Variants in RGS18 observed in about 807,000 individuals in gnomAD.
The protein encoded by RGS18 is regulator of G protein signaling 18.
A neutral mutation model predicts 27.6 loss-of-function variants in RGS18; 22 were observed. The ratio of observed to expected loss-of-function variants is 0.80; its 90% CI spans 0.57 to 1.14. The LOEUF (loss-of-function observed/expected upper bound fraction) is 1.14, where lower values mean the gene tolerates loss of function less well. RGS18 is among the 50% of genes most tolerant of loss of function. The probability of loss-of-function intolerance (pLI) is 0.00; values close to 1 mark genes in which losing one functional copy is unlikely to be tolerated. For missense variants in RGS18, 299 were observed against 269.6 expected, an observed-to-expected ratio of 1.11 and a Z score of -0.76; for synonymous variants, 89 against 84.6, an observed-to-expected ratio of 1.05 and a Z score of -0.29.
chr1:192,175,130 CTTAA>C (rs1429501891), intron 3 of RGS18, among the ~76,000 whole-genome samples: 1 of 151,702 alleles, frequency 6.6e-6, no homozygotes, highest in African/African-American at 2.4e-5. Context: ...TGAATTTCAA[CTTAA>C]TTACTTTTCA....
At chr1:192,181,911 C>T (rs755293426) in intron 4 of RGS18, among the ~76,000 whole-genome samples, 19 of 151,694 alleles carry the variant, frequency 1.3e-4, no homozygotes, top group Non-Finnish European at 2.2e-4. Context: ...ATGTGAGCAA[C>T]TTTATTAGAT....
chr1:192,174,244 T>C (rs1399088997), intron 3 of RGS18, among the ~76,000 whole-genome samples: 1 of 151,794 alleles, frequency 6.6e-6, no homozygotes, highest in African/African-American at 2.4e-5. Context: ...TTTGTTTTGT[T>C]TTTATCTATG....
chr1:192,171,378 C>G (rs1037807833), intron 3 of RGS18, among the ~76,000 whole-genome samples: 9 of 152,066 alleles, frequency 5.9e-5, no homozygotes, highest in Non-Finnish European at 1.3e-4. Flanking sequence ...TAGAAATTAT[C>G]TTACTAGCAT....
At chr1:192,161,165 T>TA (rs1190063290) in intron 3 of RGS18, among the ~76,000 whole-genome samples, 1 of 152,098 alleles carries the variant, frequency 6.6e-6, no homozygotes, top group Non-Finnish European at 1.5e-5. Context: ...AACACAGTTT[T>TA]AAAAAAAATT....
intron 3 of RGS18, among the ~76,000 whole-genome samples, chr1:192,179,718 C>T (rs2102160094): frequency 6.6e-6 from 1 of 151,626 alleles, no homozygotes; most frequent in African/African-American, 2.4e-5. Flanking sequence ...ACAACATATA[C>T]TACATGATTT....
In RGS18 at chr1:192,184,647, A is replaced by C; in HGVS notation, c.*93A>C. 8.4e-7 allele frequency: 1 copy of C among 1,183,920 alleles called. No homozygotes were observed. The allele number at this position is 1,183,920 out of a possible 1,614,324, so 73.3% of individuals were successfully genotyped here. ...GTTAAGATTTGGTCCCATCCTTTAA[A>C]CTGAAATATGTCATGTGAAATTATT... is the stretch of plus-strand genomic sequence containing the variant. On this transcript the variant is annotated 3_prime_UTR_variant, in exon 5 of 5. Coordinates refer to ENST00000367460, the MANE Select transcript of RGS18 (RefSeq NM_130782.3).
At chr1:192,167,486 C>A (rs1484680709) in intron 3 of RGS18, among the ~76,000 whole-genome samples, 1 of 151,944 alleles carries the variant, frequency 6.6e-6, no homozygotes, top group African/African-American at 2.4e-5. Flanking sequence ...ATGACGCAAT[C>A]TCAGCTCACT....
intron 3 of RGS18, among the ~76,000 whole-genome samples, chr1:192,178,008 G>T (rs942180270): frequency 2.0e-5 from 3 of 151,646 alleles, no homozygotes; most frequent in Non-Finnish European, 4.4e-5. Context: ...CACCAGTTAG[G>T]AGGTTTTTAT....
chr1:192,159,823 G>C (rs527806038), intron 2 of RGS18, among the ~76,000 whole-genome samples: 1 of 151,770 alleles, frequency 6.6e-6, no homozygotes, highest in African/African-American at 2.4e-5. Context: ...AAAAAGATCC[G>C]AGAAAATATA....
Position 192,181,357 on chromosome 1 carries a change from A to G in RGS18, c.349A>G (p.Ile117Val). The G allele has an allele frequency of 6.3e-7, 1 of 1,588,838 alleles. No individual in the cohort carries two copies. The highest frequency in any genetic ancestry group is 8.6e-7 in the Non-Finnish European group (1 of 1,166,944). The change falls in exon 4 of 5, where the codon ATA (isoleucine) becomes GTA (valine). Residue 117 changes from isoleucine (I) to valine (V), a missense_variant. Ile to Val is a conservative substitution (Grantham distance 29, BLOSUM62 3). Coordinates refer to ENST00000367460, the MANE Select transcript of RGS18 (RefSeq NM_130782.3). ...CAGTGAAGAAAATATTGAATTTTGG[A>G]TAGCCTGTGAAGATTTCAAGAAAAG... Reference protein sequence around the residue: ...EFSEENIEFWIACEDFKKSKG... With the variant: ...EFSEENIEFWVACEDFKKSKG...
At chr1:192,162,804 C>T (rs1362192582) in intron 3 of RGS18, among the ~76,000 whole-genome samples, 1 of 152,102 alleles carries the variant, frequency 6.6e-6, no homozygotes, top group African/African-American at 2.4e-5. Flanking sequence ...TGGTACTGCA[C>T]TGCCCTTTAG....
At chr1:192,165,548 C>T (rs1422988738) in intron 3 of RGS18, among the ~76,000 whole-genome samples, 2 of 152,086 alleles carry the variant, frequency 1.3e-5, no homozygotes, top group African/African-American at 4.8e-5. Flanking sequence ...GTGATGTCTC[C>T]CCTGGACACC....
In RGS18 at chr1:192,158,505, CTT is replaced by C. The variant is rs1251417689; in HGVS notation, c.-132_-131del. 8 of 789,812 alleles carry C rather than the reference CTT, an allele frequency of 1.0e-5. No homozygotes were observed. The highest frequency in any genetic ancestry group is 1.4e-5 in the Non-Finnish European group (8 of 563,206). The allele number at this position is 789,812 out of a possible 1,614,324, so 48.9% of individuals were successfully genotyped here. A position where few individuals can be genotyped will look rare whatever the true frequency, so the allele number is the denominator to read the frequency against. On this transcript the variant is annotated 5_prime_UTR_variant, in exon 1 of 5. Coordinates refer to ENST00000367460, the MANE Select transcript of RGS18 (RefSeq NM_130782.3). ...AGACAGAAAGAAACGCAGCTCTTGA[CTT>C]CTTTTTTGTAAACATTACTGTAAGA...
chr1:192,176,688 T>C (rs952480810), intron 3 of RGS18, among the ~76,000 whole-genome samples: 3 of 151,818 alleles, frequency 2.0e-5, no homozygotes, highest in African/African-American at 7.2e-5. Context: ...CTCTGGTACC[T>C]AGACCAGTGT....
At chr1:192,171,001 T>C (rs1179129518) in intron 3 of RGS18, among the ~76,000 whole-genome samples, 5 of 152,134 alleles carry the variant, frequency 3.3e-5, no homozygotes, top group African/African-American at 1.2e-4. Flanking sequence ...CAATAATCCC[T>C]ATGGGTGCTT....
intron 3 of RGS18, chr1:192,169,863 T>C (rs1656226435): frequency 6.6e-6 from 1 of 152,150 alleles, no homozygotes; most frequent in Non-Finnish European, 1.5e-5. Context: ...CTGAAGATAG[T>C]TATCAGAGAT....
At chr1:192,173,860 C>CT (rs1345279692) in intron 3 of RGS18, among the ~76,000 whole-genome samples, 5 of 151,650 alleles carry the variant, frequency 3.3e-5, no homozygotes, top group African/African-American at 1.2e-4. Flanking sequence ...CCAACTTTGG[C>CT]TTTGTTAATC....
At chr1:192,161,836 A>G (rs1656078328) in intron 3 of RGS18, among the ~76,000 whole-genome samples, 1 of 152,192 alleles carries the variant, frequency 6.6e-6, no homozygotes, top group Non-Finnish European at 1.5e-5. Context: ...ATGTAACAAC[A>G]ACTTTTCTTT....
chr1:192,166,466 C>G (rs1051311143), intron 3 of RGS18, among the ~76,000 whole-genome samples: 2 of 151,924 alleles, frequency 1.3e-5, no homozygotes, highest in African/African-American at 4.8e-5. Flanking sequence ...ACTTTGGAAG[C>G]CTTTGTGTGT....
Sources: allele counts gnomAD v4.1 joint callset (sites outside exome capture counted in the v4.1 genomes callset), GRCh38; gene constraint gnomAD v4.1.1; transcripts MANE v1.5; gene names NCBI Gene and HGNC (gene_info 2026-07-23, HGNC 2026-07-21).